The following GOLGA8M variants were observed in gnomAD, a reference collection of about 807,000 sequenced individuals.
The protein encoded by GOLGA8M is golgin A8 family member M.
Under a neutral mutation model 87.7 loss-of-function variants are expected in GOLGA8M, and 34 were observed. The ratio of observed to expected loss-of-function variants is 0.39; its 90% confidence interval spans 0.29 to 0.52. GOLGA8M has a LOEUF of 0.52. Among genes scored for constraint, GOLGA8M ranks in the 20% least tolerant of loss-of-function variants. The pLI, the probability that GOLGA8M is intolerant of heterozygous loss-of-function variation, is 0.80. For synonymous variants in GOLGA8M, 138 were observed against 250.2 expected (o/e 0.55, Z 4.23); for missense variants, 396 against 682.2 (o/e 0.58, Z 4.67).
chr15:28,705,208 G>T lies in GOLGA8M; in HGVS notation c.1151C>A (p.Thr384Lys), dbSNP rs967811765. The T allele has an allele frequency of 3.8e-6, 6 of 1,598,084 alleles. No individual in the cohort carries two copies. Among genetic ancestry groups the T allele is most frequent in the Non-Finnish European group, 5.1e-6 (6 of 1,179,770 alleles). The change falls in exon 13 of 19, where the codon ACA (threonine) becomes AAA (lysine). Residue 384 changes from threonine (T) to lysine (K), a missense_variant. Around this residue, in one of 12 missense-constraint regions of GOLGA8M, gnomAD observed 44 missense variants for 46.7 expected, o/e 0.94. Coordinates refer to ENST00000563027, the MANE Select transcript of GOLGA8M (RefSeq NM_001282468.3). ...CTTTACTTGCTGCTCCAACTGCAGT[G>T]TGCTCTTGTTCTCATTGTTCTGGAC... ...FEEPNNENKS[T>K]LQLEQQVKEL...
intron 1 of GOLGA8M, chr15:28,711,892 A>T: frequency 1.0e-6 from 1 of 985,170 alleles, no homozygotes; most frequent in Non-Finnish European, 1.2e-6. Context: ...CAGAGTCTGC[A>T]GCAGGGAGCC....
In GOLGA8M at chr15:28,699,485, C is replaced by T. The variant is rs571233452; in HGVS notation, c.*2469G>A. Among the ~76,000 whole-genome samples, 105 of 144,438 alleles carry T rather than the reference C, an allele frequency of 7.3e-4. 6 individuals carry two copies. Among genetic ancestry groups the T allele is most frequent in the Admixed American group, 2.3e-3 (30 of 13,224 alleles). The allele number at this position is 144,438 out of a possible 152,430, so 94.8% of individuals were successfully genotyped here. ...GTCATACAATTTCCATTCTTTTTAGCTTTTTCTTAAATATATGACAAATAC... is the reference window on the plus strand; with the variant it reads ...GTCATACAATTTCCATTCTTTTTAGTTTTTTCTTAAATATATGACAAATAC... On this transcript the variant is annotated 3_prime_UTR_variant, in exon 19 of 19. Transcript: ENST00000563027.
chr15:28,708,539 C>G (rs1324643049), intron 4 of GOLGA8M, 126 bp from the exon 5 acceptor site: 1 of 821,606 alleles, frequency 1.2e-6, no homozygotes, highest in Admixed American at 2.2e-5. Flanking sequence ...AATGGGAACA[C>G]GAACTGGTAA....
intron 13 of GOLGA8M, among the ~76,000 whole-genome samples, chr15:28,704,674 T>C (rs1215974312): frequency 7.0e-6 from 1 of 142,598 alleles, no homozygotes; most frequent in Non-Finnish European, 1.5e-5. Flanking sequence ...ACCTCCTGGG[T>C]TGAAGCAATT....
chr15:28,708,815 G>A (rs2080118538), intron 4 of GOLGA8M, among the ~76,000 whole-genome samples: 1 of 151,598 alleles, frequency 6.6e-6, no homozygotes, highest in African/African-American at 2.4e-5. Flanking sequence ...GGAGCCCTTA[G>A]CCCTGAGGTT....
At chr15:28,702,813 G>A (rs1224054503) in intron 15 of GOLGA8M, 68 bp from the exon 16 acceptor site, 19 of 1,578,434 alleles carry the variant, frequency 1.2e-5, no homozygotes, top group Non-Finnish European at 1.6e-5. Flanking sequence ...TCAAGTCATG[G>A]AGAAGGTGGA....
chr15:28,704,419 G>GCCTCA (rs1421247025), intron 13 of GOLGA8M, among the ~76,000 whole-genome samples: 1 of 147,260 alleles, frequency 6.8e-6, no homozygotes, highest in Non-Finnish European at 1.5e-5. Context: ...TCCTTCCCCA[G>GCCTCA]CCTCAAATCT....
chr15:28,713,195 G>A (rs1381996309), upstream of GOLGA8M, among the ~76,000 whole-genome samples: 1 of 150,788 alleles, frequency 6.6e-6, no homozygotes, highest in Non-Finnish European at 1.5e-5. Context: ...AAAAAGGCCG[G>A]ATGTGGTGGC....
At chr15:28,709,761 C>A (rs896419820) in intron 2 of GOLGA8M, among the ~76,000 whole-genome samples, 173 bp from the exon 3 acceptor site, 39 of 151,696 alleles carry the variant, frequency 2.6e-4, no homozygotes, top group Non-Finnish European at 5.1e-4. Context: ...TCCCCACCAT[C>A]CCATCCTGGG....
At position 28,701,550 on chromosome 15, in the gene GOLGA8M, A is replaced by AT; in HGVS notation, c.*403dup. The stretch of plus-strand genomic sequence containing the variant: ...TCAAACAACAGCAGAACATAGGCAA[A>AT]TTTTGTCTGAATTCTGTAGTGAATA... On this transcript the variant is annotated 3_prime_UTR_variant, in exon 19 of 19. Coordinates refer to ENST00000563027, the MANE Select transcript of GOLGA8M (RefSeq NM_001282468.3). 6.6e-6 allele frequency among the ~76,000 whole-genome samples: 1 copy of AT among 151,008 alleles called. No individual in the cohort carries two copies. The highest frequency in any genetic ancestry group is 1.5e-5 in the Non-Finnish European group (1 of 67,890).
At position 28,702,037 on chromosome 15, in the gene GOLGA8M, C is replaced by T. The variant is rs965683656; in HGVS notation, c.1816G>A (p.Asp606Asn). The T allele has an allele frequency of 2.2e-5, 35 of 1,596,514 alleles. No individual in the cohort carries two copies. The Admixed American group carries it at 5.2e-4, about 24-fold the overall frequency. ...DKPTAQPIVQ[D>N]HQEHPGLGSN... The stretch of plus-strand genomic sequence containing the variant: ...CCCAAGCCTGGGTGCTCCTGGTGGT[C>T]CTGCACGATCGGCTGTGCAGTAGGC... Residue 606 changes from aspartate (D) to asparagine (N), a missense_variant, in exon 19 of 19, where the codon GAC becomes AAC. Asp to Asn is a conservative substitution (Grantham distance 23). Coordinates refer to ENST00000563027, the MANE Select transcript of GOLGA8M (RefSeq NM_001282468.3).
chr15:28,702,530 C>G lies in GOLGA8M; in HGVS notation c.1502G>C (p.Gly501Ala), dbSNP rs755788642. 5 of 1,602,190 alleles carry G rather than the reference C, an allele frequency of 3.1e-6. No homozygotes were observed. In the African/African-American group the frequency reaches 6.7e-5, roughly 22 times the overall value. Reference protein sequence around the residue: ...KIHHLLSEPGGRAKDAALGGG... With the variant: ...KIHHLLSEPGARAKDAALGGG... ...TCCCAGTGCCGCATCTTTGGCACGG[C>G]CCCCTGGTTCTGATAAAAGGTGATG... Residue 501 changes from glycine to alanine, a missense_variant, in exon 17 of 19, where the codon GGC (glycine) becomes GCC (alanine). Gly to Ala is a moderately conservative substitution (Grantham distance 60). Transcript: ENST00000563027.
chr15:28,705,114 C>T (rs1459061263), intron 13 of GOLGA8M, 45 bp downstream of exon 13: 15 of 1,596,462 alleles, frequency 9.4e-6, no homozygotes, highest in Admixed American at 1.7e-5. Context: ...TGCTGCCCGC[C>T]TCCCAGCCCT....
At chr15:28,704,387 C>T (rs1032228905) in intron 13 of GOLGA8M, among the ~76,000 whole-genome samples, 11 of 147,292 alleles carry the variant, frequency 7.5e-5, no homozygotes, top group Middle Eastern at 6.8e-3. Flanking sequence ...GTGACTGCCT[C>T]CCTTTCCTAG....
Position 28,701,814 on chromosome 15 carries a change from A to T in GOLGA8M, c.*140T>A, listed in dbSNP as rs2079792699. 3.2e-6 allele frequency: 4 copies of T among 1,249,588 alleles called. 1 individual carries two copies. The East Asian group carries it at 7.5e-5, about 24-fold the overall frequency. 77.4% of individuals were successfully genotyped at this position (1,249,588 alleles called of 1,614,324 possible). ...CTTTTAACTTTTTACAAATAAACTT[A>T]AAACTATAAATTAGAAACACAAATA... On this transcript the variant is annotated 3_prime_UTR_variant, in exon 19 of 19. Transcript: ENST00000563027.
intron 2 of GOLGA8M, among the ~76,000 whole-genome samples, chr15:28,710,092 T>A (rs1054807192): frequency 6.9e-6 from 1 of 145,238 alleles, no homozygotes; most frequent in Non-Finnish European, 1.5e-5. Context: ...CCTTTTTTTT[T>A]CTTTGAGACA....
chr15:28,711,501 G>A (rs2140947183), intron 1 of GOLGA8M: 1 of 983,624 alleles, frequency 1.0e-6, no homozygotes, highest in Non-Finnish European at 1.2e-6. Flanking sequence ...GTTCATGGGG[G>A]AAGTGTAGGC....
chr15:28,702,619 C>T (rs781387699), intron 16 of GOLGA8M, 26 bp downstream of exon 16: 3 of 1,610,198 alleles, frequency 1.9e-6, no homozygotes, highest in Non-Finnish European at 2.5e-6. Context: ...GCAGCTCCCC[C>T]TGCCGTGCCC....
Position 28,698,720 on chromosome 15 carries a change from A to G in GOLGA8M, c.*3234T>C, listed in dbSNP as rs1010348807. Among the ~76,000 whole-genome samples, 25 of 146,640 alleles carry G rather than the reference A, an allele frequency of 1.7e-4. No individual in the cohort carries two copies. The highest frequency in any genetic ancestry group is 3.4e-4 in the Non-Finnish European group (23 of 67,478). ...TTTGCACAGTATCAATACCTTTAAT[A>G]CTATAGTTTTCAAGAAACGCAAAAT... On this transcript the variant is annotated 3_prime_UTR_variant, in exon 19 of 19. Transcript: ENST00000563027.
Sources: allele counts gnomAD v4.1 joint callset (sites outside exome capture counted in the v4.1 genomes callset), GRCh38; gene constraint gnomAD v4.1.1; regional missense constraint gnomAD v4.1.1; transcripts MANE v1.5; gene names NCBI Gene and HGNC (gene_info 2026-07-23, HGNC 2026-07-21).